AFG2A: variants seen among roughly 807,000 people sequenced by gnomAD.
AFG2A encodes ATPase family gene 2 protein homolog A.
the AFG2A span, chr4:122,938,042 G>C: frequency 7.9e-7 from 1 of 1,261,488 alleles, no homozygotes. Flanking sequence ...TTGATATGTT[G>C]CATTTCAGTT....
At chr4:122,977,406 C>T in the AFG2A span, among the ~76,000 whole-genome samples, 2 of 152,220 alleles carry the variant, frequency 1.3e-5, no homozygotes, top group Non-Finnish European at 2.9e-5. Flanking sequence ...GGTGCAGGCA[C>T]AGGCACCGGC....
At chr4:123,138,373 C>CTTACTCTTT in the AFG2A span, among the ~76,000 whole-genome samples, 9,879 of 152,142 alleles carry the variant, frequency 0.065, 565 homozygotes, top group African/African-American at 0.15. Flanking sequence ...TGACAAACCT[C>CTTACTCTTT]TAAGTATGTA....
the AFG2A span, among the ~76,000 whole-genome samples, chr4:123,243,504 A>G: frequency 0.024 from 3,589 of 152,200 alleles, 73 homozygotes; most frequent in African/African-American, 0.056. Context: ...AGGACAGAAA[A>G]CCAAACACCA....
the AFG2A span, among the ~76,000 whole-genome samples, chr4:123,262,452 C>G: frequency 3.3e-5 from 5 of 152,202 alleles, no homozygotes; most frequent in Non-Finnish European, 5.9e-5. Context: ...AACCAGGTCT[C>G]TCAGTTCCAC....
chr4:123,049,980 G>A, the AFG2A span, among the ~76,000 whole-genome samples: 1 of 151,788 alleles, frequency 6.6e-6, no homozygotes, highest in Non-Finnish European at 1.5e-5. Context: ...TACTGCTTTT[G>A]TGTATCTGTA....
At chr4:123,221,127 T>A in the AFG2A span, among the ~76,000 whole-genome samples, 1 of 152,106 alleles carries the variant, frequency 6.6e-6, no homozygotes, top group Non-Finnish European at 1.5e-5. Context: ...GAAGTGGGGC[T>A]TTTCCAAATG....
At chr4:123,243,831 C>A in the AFG2A span, among the ~76,000 whole-genome samples, 1 of 151,358 alleles carries the variant, frequency 6.6e-6, no homozygotes, top group Non-Finnish European at 1.5e-5. Flanking sequence ...AGCCTGGGCA[C>A]CGTAGGGAGA....
the AFG2A span, among the ~76,000 whole-genome samples, chr4:122,941,947 A>G: frequency 0.021 from 3,149 of 151,666 alleles, 55 homozygotes; most frequent in Non-Finnish European, 0.034. Context: ...ATTGATTTGC[A>G]TATATTGAAC....
chr4:123,267,143 A>C, the AFG2A span, among the ~76,000 whole-genome samples: 1 of 152,046 alleles, frequency 6.6e-6, no homozygotes, highest in Non-Finnish European at 1.5e-5. Context: ...ACTTTATAAA[A>C]TGGTTGTTCA....
chr4:123,095,944 A>G, the AFG2A span, among the ~76,000 whole-genome samples: 1 of 152,134 alleles, frequency 6.6e-6, no homozygotes, highest in African/African-American at 2.4e-5. Context: ...TGTGTTGTGC[A>G]TATTTAGTGT....
At chr4:123,284,676 C>A in the AFG2A span, among the ~76,000 whole-genome samples, 1 of 152,102 alleles carries the variant, frequency 6.6e-6, no homozygotes, top group South Asian at 2.1e-4. Flanking sequence ...CATTTTGGGG[C>A]ACCTGTCTTC....
At chr4:122,993,611 C>A in the AFG2A span, among the ~76,000 whole-genome samples, 2 of 151,954 alleles carry the variant, frequency 1.3e-5, no homozygotes, top group Admixed American at 1.3e-4. Flanking sequence ...AAATATCAAG[C>A]TTTTGTTTTC....
At chr4:123,317,747 G>A in the AFG2A span, 5 of 152,274 alleles carry the variant, frequency 3.3e-5, no homozygotes, top group East Asian at 9.6e-4. Flanking sequence ...GAATACTGTG[G>A]CAATAAAAAA....
the AFG2A span, among the ~76,000 whole-genome samples, chr4:123,221,928 CAA>C: frequency 7.0e-6 from 1 of 143,314 alleles, no homozygotes; most frequent in African/African-American, 2.5e-5. Flanking sequence ...AACTCCATCT[CAA>C]AAAAAAAAAG....
the AFG2A span, among the ~76,000 whole-genome samples, chr4:122,959,144 C>T: frequency 6.6e-6 from 1 of 152,184 alleles, no homozygotes; most frequent in African/African-American, 2.4e-5. Context: ...AATCACTGAT[C>T]TAGGGCAACC....
chr4:123,210,366 C>A, the AFG2A span, among the ~76,000 whole-genome samples: 1 of 152,170 alleles, frequency 6.6e-6, no homozygotes, highest in Non-Finnish European at 1.5e-5. Context: ...ACTACCTAAT[C>A]TCTCTGCTAA....
chr4:123,035,820 G>A, the AFG2A span, among the ~76,000 whole-genome samples: 1 of 151,816 alleles, frequency 6.6e-6, no homozygotes, highest in East Asian at 1.9e-4. Context: ...TTTAGCATTT[G>A]GAATCTAAGA....
chr4:122,931,581 T>A, the AFG2A span, among the ~76,000 whole-genome samples: 1 of 152,090 alleles, frequency 6.6e-6, no homozygotes, highest in Admixed American at 6.6e-5. Flanking sequence ...TCTGGTAGAT[T>A]TTATTTTCTT....
At chr4:123,187,993 A>T in the AFG2A span, among the ~76,000 whole-genome samples, 2 of 93,452 alleles carry the variant, frequency 2.1e-5, no homozygotes, top group East Asian at 5.4e-4. Context: ...GTGAGGCCCT[A>T]TCTCAAAAAA....
Sources: gnomAD v4.1 joint callset for allele counts (sites outside exome capture counted in the v4.1 genomes callset) on GRCh38, gnomAD v4.1.1 for gene constraint, MANE v1.5 for transcripts, NCBI Gene and HGNC (gene_info 2026-07-23, HGNC 2026-07-21) for gene names.